ZMYND11: variants seen among roughly 807,000 people sequenced by gnomAD.
The protein encoded by ZMYND11 is zinc finger MYND domain-containing protein 11.
A neutral mutation model predicts 84.9 loss-of-function variants in ZMYND11; 9 were observed. The ratio of observed to expected loss-of-function variants is 0.11; its 90% confidence interval spans 0.06 to 0.18. The LOEUF is 0.18. Ranked by LOEUF, ZMYND11 falls within the 10% of genes least tolerant of loss-of-function variation. The pLI is 1.00. For missense variants in ZMYND11, 409 were observed against 761.0 expected, an observed-to-expected ratio of 0.54 and a Z score of 5.44; for synonymous variants, 250 against 244.1, an observed-to-expected ratio of 1.02 and a Z score of -0.23.
At chr10:242,271 G>T in intron 10 of ZMYND11, 132 bp downstream of exon 10, 1 of 1,343,054 alleles carries the variant, frequency 7.4e-7, no homozygotes, top group Admixed American at 2.3e-5. Flanking sequence ...ATGCATCCAA[G>T]AATACGTTCC....
At chr10:153,188 A>G (rs1179310125) in intron 1 of ZMYND11, among the ~76,000 whole-genome samples, 1 of 152,242 alleles carries the variant, frequency 6.6e-6, no homozygotes, top group African/African-American at 2.4e-5. Context: ...TTTATCAGAT[A>G]TGAAGTCTAC....
In ZMYND11 at chr10:246,784, A is replaced by G; in HGVS notation, c.969A>G (p.Glu323=). The G allele has an allele frequency of 6.2e-7, 1 of 1,614,152 alleles. No homozygotes were observed. The highest frequency in any genetic ancestry group is 8.5e-7 in the Non-Finnish European group (1 of 1,180,026). The change falls in exon 11 of 15, where the codon GAA becomes GAG. Residue 323 remains glutamate, a synonymous_variant. Transcript: ENST00000381604. ...TTCCTAGGGCCTGGATTCCTTCTGAAAACATTCAAGATATCACAGTCAACA... is the reference window on the plus strand; with the variant it reads ...TTCCTAGGGCCTGGATTCCTTCTGAGAACATTCAAGATATCACAGTCAACA... ...HHHQRAWIPS[E]NIQDITVNIH... is the part of the protein sequence containing the mutation.
upstream of ZMYND11, among the ~76,000 whole-genome samples, chr10:131,227 T>C (rs1264608726): frequency 2.0e-5 from 3 of 152,210 alleles, no homozygotes; most frequent in Non-Finnish European, 2.9e-5. Context: ...TGTGATGAGT[T>C]GCCCTTGAAA....
chr10:221,776 A>G (rs888702761), intron 4 of ZMYND11, among the ~76,000 whole-genome samples: 4 of 151,950 alleles, frequency 2.6e-5, no homozygotes, highest in East Asian at 1.9e-4. Flanking sequence ...TTTTATATCC[A>G]TGTAATGTTG....
At chr10:209,104 C>T (rs944030681) in intron 2 of ZMYND11, among the ~76,000 whole-genome samples, 1 of 151,686 alleles carries the variant, frequency 6.6e-6, no homozygotes, top group Non-Finnish European at 1.5e-5. Context: ...TGGAAAATGG[C>T]ACAAATCCAA....
chr10:199,313 C>CCCTCCCTCCCTCTCTCCCTCTCTT (rs1942556814), intron 2 of ZMYND11, among the ~76,000 whole-genome samples: 1 of 1,990 alleles, frequency 5.0e-4, no homozygotes, highest in African/African-American at 6.1e-4. Context: ...CTCTCTTCCT[C>CCCTCCCTCCCTCTCTCCCTCTCTT]CCTCCCTCCC....
At chr10:222,882 G>T (rs1278564519) in intron 4 of ZMYND11, among the ~76,000 whole-genome samples, 1 of 152,100 alleles carries the variant, frequency 6.6e-6, no homozygotes, top group Admixed American at 6.6e-5. Context: ...GACTTCTGAG[G>T]ACAGGTTAAG....
chr10:199,934 G>A (rs973688069), intron 2 of ZMYND11, among the ~76,000 whole-genome samples: 5 of 151,362 alleles, frequency 3.3e-5, no homozygotes, highest in Admixed American at 2.6e-4. Flanking sequence ...GTGTGATCAC[G>A]ACTCACTGCA....
At chr10:204,991 C>T (rs188914310) in intron 2 of ZMYND11, among the ~76,000 whole-genome samples, 1 of 151,998 alleles carries the variant, frequency 6.6e-6, no homozygotes, top group African/African-American at 2.4e-5. Flanking sequence ...GGTTTTCTTA[C>T]CATTACATGC....
At chr10:184,362 C>G (rs1203353261) in intron 2 of ZMYND11, among the ~76,000 whole-genome samples, 1 of 152,144 alleles carries the variant, frequency 6.6e-6, no homozygotes, top group South Asian at 2.1e-4. Context: ...TCTTCTTTTC[C>G]TGTCTTCTGT....
intron 5 of ZMYND11, 96 bp downstream of exon 5, chr10:237,011 G>C: frequency 8.4e-7 from 1 of 1,190,326 alleles, no homozygotes; most frequent in Admixed American, 2.3e-5. Context: ...TAACAAATAT[G>C]TACATAGCAA....
In ZMYND11 at chr10:151,345, A is replaced by G. The variant is rs149945595; in HGVS notation, c.-20+15786A>G. ...AAGATTAGACGGATGGCTAACTAGA[A>G]TAACCAGTGTAGAGAAGTCTTTAAA... On this transcript the variant is annotated intron_variant, in intron 1 of 14. Transcript: ENST00000381604. Among the ~76,000 whole-genome samples, 88 of 152,346 alleles carry G rather than the reference A, an allele frequency of 5.8e-4. No individual in the cohort carries two copies. The East Asian group carries it at 0.016, about 27-fold the overall frequency.
chr10:224,029 A>G (rs986164703), intron 4 of ZMYND11, among the ~76,000 whole-genome samples: 4 of 152,184 alleles, frequency 2.6e-5, no homozygotes, highest in Non-Finnish European at 4.4e-5. Context: ...CCATAGCCAA[A>G]TTCCATATGG....
intron 14 of ZMYND11, among the ~76,000 whole-genome samples, chr10:250,071 C>T (rs1360589418): frequency 6.6e-6 from 1 of 152,156 alleles, no homozygotes; most frequent in Non-Finnish European, 1.5e-5. Context: ...GCGTGCTTTC[C>T]GAATAACTTT....
intron 2 of ZMYND11, among the ~76,000 whole-genome samples, chr10:207,548 G>T (rs964843383): frequency 7.2e-5 from 11 of 152,194 alleles, no homozygotes; most frequent in African/African-American, 2.7e-4. Flanking sequence ...GTGTGAGATG[G>T]TATCTCATTG....
At chr10:230,515 G>A (rs1948853406) in intron 4 of ZMYND11, among the ~76,000 whole-genome samples, 1 of 147,774 alleles carries the variant, frequency 6.8e-6, no homozygotes, top group Non-Finnish European at 1.5e-5. Context: ...CAGCCTCCAG[G>A]GTTCTACCCC....
intron 14 of ZMYND11, chr10:249,314 A>G (rs1001316898): frequency 1.8e-5 from 24 of 1,366,856 alleles, no homozygotes; most frequent in Non-Finnish European, 2.3e-5. Flanking sequence ...TTAAATTGAG[A>G]TTATAATACC....
At chr10:218,670 A>G (rs1339255133) in intron 3 of ZMYND11, among the ~76,000 whole-genome samples, 2 of 152,112 alleles carry the variant, frequency 1.3e-5, no homozygotes, top group Non-Finnish European at 2.9e-5. Flanking sequence ...TAGGTTTGCT[A>G]TTTAAAAGCT....
Position 242,017 on chromosome 10 carries a change from C to G in ZMYND11, c.832-4C>G. ...TATAACAAGGTAAAACATTTAATTT[C>G]CAGATACCTAATCATGAGCTGGTTT... On this transcript the variant is annotated splice_polypyrimidine_tract_variant and splice_region_variant and intron_variant, in intron 9 of 14. Transcript: ENST00000381604. The G allele has an allele frequency of 6.2e-7, 1 of 1,613,608 alleles. No homozygotes were observed. Among genetic ancestry groups the G allele is most frequent in the Non-Finnish European group, 8.5e-7 (1 of 1,179,796 alleles).
Sources: allele counts gnomAD v4.1 joint callset (sites outside exome capture counted in the v4.1 genomes callset), GRCh38; gene constraint gnomAD v4.1.1; transcripts MANE v1.5; gene names NCBI Gene and HGNC (gene_info 2026-07-23, HGNC 2026-07-21).